Variants in CALN1 observed in about 807,000 individuals in gnomAD.
CALN1 encodes calneuron 1, also known as calcium-binding protein 8.
CALN1 carries 17 observed loss-of-function variants against 30.6 expected under a neutral mutation model. The observed-to-expected ratio is 0.56, with a 90% CI of 0.38 to 0.83. The LOEUF (loss-of-function observed/expected upper bound fraction) is 0.83, where lower values mean the gene tolerates loss of function less well. Among genes scored for constraint, CALN1 ranks in the 40% least tolerant of loss-of-function variants. The pLI is 0.00. For missense variants in CALN1, 291 were observed against 354.9 expected (o/e 0.82, Z 1.45); for synonymous variants, 156 against 131.4 (o/e 1.19, Z -1.28).
intron 3 of CALN1, among the ~76,000 whole-genome samples, chr7:72,157,727 T>C (rs1469537272): frequency 6.6e-6 from 1 of 152,044 alleles, no homozygotes; most frequent in Admixed American, 6.6e-5. Context: ...ATTTGAAAGT[T>C]AGTCAGTTAG....
intron 5 of CALN1, among the ~76,000 whole-genome samples, chr7:71,873,386 A>G (rs1161410557): frequency 2.0e-5 from 3 of 152,146 alleles, no homozygotes; most frequent in East Asian, 1.9e-4. Flanking sequence ...CATGAAAATA[A>G]TATCAGAAAT....
chr7:71,782,712 T>A lies in CALN1; in HGVS notation c.*5063A>T, dbSNP rs186372591. On this transcript the variant is annotated 3_prime_UTR_variant, in exon 7 of 7. Transcript: ENST00000395275. ...TGCTGTCACTTTAAATAATTTAAAT[T>A]GAAAAGTCTTAGCTGGTGAATAATG... 1.3e-5 allele frequency: 2 copies of A among 152,148 alleles called. No individual in the cohort carries two copies. Among genetic ancestry groups the A allele is most frequent in the South Asian group, 4.2e-4 (2 of 4,816 alleles). The allele number at this position is 152,148 out of a possible 1,614,324, so 9.4% of individuals were successfully genotyped here. A position where few individuals can be genotyped will look rare whatever the true frequency, so the allele number is the denominator to read the frequency against.
chr7:72,385,483 A>T (rs2129561089), intron 2 of CALN1, among the ~76,000 whole-genome samples: 1 of 152,312 alleles, frequency 6.6e-6, no homozygotes, highest in Admixed American at 6.5e-5. Flanking sequence ...GAAATGCCAT[A>T]TTGATATGGT....
intron 3 of CALN1, among the ~76,000 whole-genome samples, chr7:72,204,161 T>A (rs1301608862): frequency 6.6e-6 from 1 of 150,872 alleles, no homozygotes; most frequent in Non-Finnish European, 1.5e-5. Flanking sequence ...GCTAATTTTT[T>A]TTTTTTTGTA....
the CALN1 span, among the ~76,000 whole-genome samples, chr7:72,469,848 G>T: frequency 6.6e-6 from 1 of 152,028 alleles, no homozygotes; most frequent in Non-Finnish European, 1.5e-5. Context: ...TAGGTGACTC[G>T]AATCAGTTCT....
chr7:71,971,765 G>C (rs1321427159), intron 5 of CALN1, among the ~76,000 whole-genome samples: 1 of 151,048 alleles, frequency 6.6e-6, no homozygotes, highest in African/African-American at 2.4e-5. Context: ...AAGTATGGTA[G>C]CATACACCTC....
At chr7:71,831,999 T>C (rs1377044792) in intron 5 of CALN1, among the ~76,000 whole-genome samples, 1 of 152,028 alleles carries the variant, frequency 6.6e-6, no homozygotes, top group Non-Finnish European at 1.5e-5. Flanking sequence ...ATAGGCCCGT[T>C]AATGATGTGA....
intron 2 of CALN1, among the ~76,000 whole-genome samples, chr7:72,393,515 T>C (rs1805717747): frequency 6.6e-6 from 1 of 152,082 alleles, no homozygotes; most frequent in Non-Finnish European, 1.5e-5. Flanking sequence ...ACATATGAAG[T>C]ATGTTTTTAA....
At chr7:72,100,001 C>G (rs1806534202) in intron 4 of CALN1, among the ~76,000 whole-genome samples, 1 of 152,064 alleles carries the variant, frequency 6.6e-6, no homozygotes, top group South Asian at 2.1e-4. Flanking sequence ...AATATCATCA[C>G]ATAAAGCCCC....
chr7:71,823,240 T>C (rs1200146373), intron 5 of CALN1, among the ~76,000 whole-genome samples: 5 of 151,972 alleles, frequency 3.3e-5, no homozygotes, highest in Non-Finnish European at 7.4e-5. Context: ...TGGAGTGCAG[T>C]AGTAAGATCA....
chr7:71,994,659 GA>G (rs1799153685), intron 5 of CALN1, among the ~76,000 whole-genome samples: 1 of 152,002 alleles, frequency 6.6e-6, no homozygotes, highest in Non-Finnish European at 1.5e-5. Flanking sequence ...TTTAATAGGC[GA>G]AAGAAAGAGG....
At chr7:72,053,343 T>C (rs2129536317) in intron 4 of CALN1, among the ~76,000 whole-genome samples, 1 of 152,338 alleles carries the variant, frequency 6.6e-6, no homozygotes, top group South Asian at 2.1e-4. Flanking sequence ...ATAGACACTC[T>C]GAAATTACCG....
chr7:72,054,318 A>G (rs1421210346), intron 4 of CALN1, among the ~76,000 whole-genome samples: 3 of 151,390 alleles, frequency 2.0e-5, no homozygotes, highest in Non-Finnish European at 4.4e-5. Context: ...GTAAGATGAT[A>G]TCTCATTGTG....
intron 3 of CALN1, among the ~76,000 whole-genome samples, chr7:72,190,828 G>C (rs2129546781): frequency 7.4e-6 from 1 of 135,806 alleles, no homozygotes; most frequent in African/African-American, 2.7e-5. Flanking sequence ...GCCTACATCT[G>C]TACATCGATT....
At chr7:72,381,127 GA>G (rs1229827598) in intron 2 of CALN1, among the ~76,000 whole-genome samples, 1 of 152,182 alleles carries the variant, frequency 6.6e-6, no homozygotes, top group Non-Finnish European at 1.5e-5. Flanking sequence ...AATGCAGACG[GA>G]AAGCACAAAG....
intron 5 of CALN1, among the ~76,000 whole-genome samples, chr7:71,872,590 T>C (rs1791998936): frequency 6.6e-6 from 1 of 151,538 alleles, no homozygotes; most frequent in Admixed American, 6.6e-5. Flanking sequence ...GTCTCTATTA[T>C]ATGCTTTATT....
chr7:72,354,889 C>CT (rs543873177), intron 2 of CALN1, among the ~76,000 whole-genome samples: 99 of 143,962 alleles, frequency 6.9e-4, no homozygotes, highest in East Asian at 2.1e-3. Flanking sequence ...GCAAAAATTT[C>CT]TTTTTTTTTT....
the CALN1 span, among the ~76,000 whole-genome samples, chr7:72,469,668 G>T: frequency 9.8e-3 from 1,494 of 152,230 alleles, 18 homozygotes; most frequent in Non-Finnish European, 0.017. Context: ...CAAATTGCTG[G>T]GATTGCAGGC....
Position 72,076,611 on chromosome 7 carries a change from C to CAAAAAAAAAAAAAAAAAAAAAAAAA in CALN1, c.388+29515_388+29539dup, listed in dbSNP as rs572245834. On this transcript the variant is annotated intron_variant, in intron 4 of 6. Transcript: ENST00000395275. ...GAAACTCCGTCTAGAAAAAAAAAAG[C>CAAAAAAAAAAAAAAAAAAAAAAAAA]AAAAAAAAAAAAAAAAAAAAAAAAA... Among the ~76,000 whole-genome samples the CAAAAAAAAAAAAAAAAAAAAAAAAA allele has an allele frequency of 9.8e-4, 6 of 6,126 alleles. 3 individuals are homozygous for CAAAAAAAAAAAAAAAAAAAAAAAAA. Among genetic ancestry groups the CAAAAAAAAAAAAAAAAAAAAAAAAA allele is most frequent in the Non-Finnish European group, 1.3e-3 (4 of 3,124 alleles). The allele number at this position is 6,126 out of a possible 152,430, so 4.0% of individuals were successfully genotyped here.
Sources: allele counts gnomAD v4.1 joint callset (sites outside exome capture counted in the v4.1 genomes callset), GRCh38; gene constraint gnomAD v4.1.1; transcripts MANE v1.5; gene names NCBI Gene and HGNC (gene_info 2026-07-23, HGNC 2026-07-21).